The following QTGAL variants were observed in gnomAD, a reference collection of about 807,000 sequenced individuals.
The protein encoded by QTGAL is BGnT-like protein 1.
At chr17:83,036,134 T>G in the QTGAL span, among the ~76,000 whole-genome samples, 1 of 151,784 alleles carries the variant, frequency 6.6e-6, no homozygotes. Flanking sequence ...AGAGCAGCAC[T>G]GTCATCAGAG....
chr17:82,953,586 C>G, the QTGAL span, among the ~76,000 whole-genome samples: 1 of 152,090 alleles, frequency 6.6e-6, no homozygotes, highest in Non-Finnish European at 1.5e-5. Context: ...ACCAGAGGTA[C>G]AAAGAGGAGC....
chr17:82,963,765 AG>A, the QTGAL span, among the ~76,000 whole-genome samples: 1 of 152,192 alleles, frequency 6.6e-6, no homozygotes, highest in African/African-American at 2.4e-5. Context: ...CCCTGGGTGC[AG>A]GAAGTGTTTT....
the QTGAL span, among the ~76,000 whole-genome samples, chr17:82,984,480 G>GGGGAGAGGCCATGTGAGCACACA: frequency 1.0e-4 from 3 of 29,018 alleles, no homozygotes; most frequent in African/African-American, 3.5e-4. Context: ...TGATTATGCA[G>GGGGAGAGGCCATGTGAGCACACA]GGGAGAGGCC....
At chr17:82,947,543 G>A in the QTGAL span, 1 of 152,652 alleles carries the variant, frequency 6.6e-6, no homozygotes, top group Admixed American at 6.5e-5. Flanking sequence ...TCCTGTATGA[G>A]GCCACAGCAG....
At chr17:83,021,988 C>T in the QTGAL span, among the ~76,000 whole-genome samples, 9 of 152,096 alleles carry the variant, frequency 5.9e-5, no homozygotes, top group Non-Finnish European at 1.2e-4. Flanking sequence ...AAAAACCGGA[C>T]ATCATCCAGG....
chr17:82,956,114 A>G, the QTGAL span, among the ~76,000 whole-genome samples: 1 of 151,886 alleles, frequency 6.6e-6, no homozygotes, highest in African/African-American at 2.4e-5. The surrounding 1 kb of genome is among the most constrained non-coding windows in gnomAD (Gnocchi z 5.7). Flanking sequence ...ATGTAAACCT[A>G]TGTAACAAAT....
chr17:82,996,977 T>C, the QTGAL span, among the ~76,000 whole-genome samples: 4 of 152,190 alleles, frequency 2.6e-5, no homozygotes, highest in Admixed American at 6.5e-5. Context: ...CTCTAGGACA[T>C]TGGACTGGGC....
the QTGAL span, among the ~76,000 whole-genome samples, chr17:83,045,188 C>G: frequency 2.0e-5 from 3 of 152,186 alleles, no homozygotes; most frequent in African/African-American, 7.2e-5. Context: ...CAAAACTTAT[C>G]ACAAAGCTCA....
chr17:82,960,724 G>A, the QTGAL span, among the ~76,000 whole-genome samples: 73 of 152,332 alleles, frequency 4.8e-4, no homozygotes, highest in African/African-American at 1.7e-3. Context: ...GGTCCCCGCC[G>A]GACCCCACTC....
chr17:83,013,582 G>A, the QTGAL span, among the ~76,000 whole-genome samples: 89,091 of 150,346 alleles, frequency 0.59, 26,524 homozygotes, highest in South Asian at 0.66. Context: ...GGCTCCCAGC[G>A]CCGTGTGGGC....
chr17:82,966,945 C>T, the QTGAL span, among the ~76,000 whole-genome samples: 2 of 152,168 alleles, frequency 1.3e-5, no homozygotes, highest in African/African-American at 2.4e-5. Flanking sequence ...GTACGTTCGG[C>T]GAACACTAAG....
chr17:82,946,278 A>G, the QTGAL span, among the ~76,000 whole-genome samples: 1 of 152,252 alleles, frequency 6.6e-6, no homozygotes, highest in Non-Finnish European at 1.5e-5. Context: ...ATAAATGTGA[A>G]TGGATTAAAA....
At chr17:83,051,105 GCGCGGGGGCGAGTCAGGAGCGCGGGGCA>G in the QTGAL span, among the ~76,000 whole-genome samples, 1 of 148,512 alleles carries the variant, frequency 6.7e-6, no homozygotes, top group Non-Finnish European at 1.5e-5. Context: ...CGCGGCAGGT[GCGCGGGGGCGAGTCAGGAGCGCGGGGCA>G]CGTGTGTGGG....
At chr17:82,999,991 C>T in the QTGAL span, among the ~76,000 whole-genome samples, 1 of 152,096 alleles carries the variant, frequency 6.6e-6, no homozygotes, top group Non-Finnish European at 1.5e-5. Flanking sequence ...GAGATGGAGT[C>T]TCGCTCTGTC....
At chr17:83,021,069 T>G in the QTGAL span, among the ~76,000 whole-genome samples, 40 of 152,372 alleles carry the variant, frequency 2.6e-4, no homozygotes, top group African/African-American at 9.1e-4. Flanking sequence ...TTATGATACT[T>G]TAATGATACT....
chr17:82,961,113 G>A, the QTGAL span: 1 of 1,609,906 alleles, frequency 6.2e-7, no homozygotes, highest in Non-Finnish European at 8.5e-7. Context: ...GGAGACTCTG[G>A]TCCACGCGGA....
chr17:82,996,746 T>C, the QTGAL span, among the ~76,000 whole-genome samples: 1 of 152,084 alleles, frequency 6.6e-6, no homozygotes, highest in Admixed American at 6.5e-5. Context: ...AATCAATATA[T>C]CTACAGTGAA....
At chr17:83,050,289 G>C in the QTGAL span, among the ~76,000 whole-genome samples, 1 of 152,128 alleles carries the variant, frequency 6.6e-6, no homozygotes, top group Non-Finnish European at 1.5e-5. Context: ...AGAAACGCTT[G>C]AACCCGGGAG....
the QTGAL span, among the ~76,000 whole-genome samples, chr17:83,008,495 G>A: frequency 6.6e-6 from 1 of 152,136 alleles, no homozygotes; most frequent in African/African-American, 2.4e-5. Flanking sequence ...GACACGGGGG[G>A]CTGTGCTCCC....
Sources: gnomAD v4.1 joint callset for allele counts (sites outside exome capture counted in the v4.1 genomes callset) on GRCh38, gnomAD v4.1.1 for gene constraint, Gnocchi (gnomAD v3.1) non-coding constraint, MANE v1.5 for transcripts, NCBI Gene and HGNC (gene_info 2026-07-23, HGNC 2026-07-21) for gene names.